Variants in SNX8 observed in about 807,000 individuals in gnomAD.
SNX8 encodes sorting nexin-8.
A neutral mutation model predicts 51.6 loss-of-function variants in SNX8; 25 were observed. That is an observed-to-expected ratio of 0.48 (90% CI 0.35 to 0.68). The LOEUF (loss-of-function observed/expected upper bound fraction) is 0.68, where lower values mean the gene tolerates loss of function less well. SNX8 is among the 30% of genes least tolerant of loss of function. The pLI, the probability that SNX8 is intolerant of heterozygous loss-of-function variation, is 0.00. For synonymous variants in SNX8, 324 were observed against 277.0 expected (o/e 1.17, Z -1.68); for missense variants, 695 against 624.0 (o/e 1.11, Z -1.21).
intron 7 of SNX8, among the ~76,000 whole-genome samples, chr7:2,259,419 T>TGA (rs1795282829): frequency 6.6e-6 from 1 of 151,754 alleles, no homozygotes; most frequent in Non-Finnish European, 1.5e-5. Context: ...TGGTAGGGGG[T>TGA]GAAAAGCTCA....
intron 5 of SNX8, among the ~76,000 whole-genome samples, chr7:2,268,352 CCTGT>C (rs1410942417): frequency 1.6e-4 from 23 of 144,904 alleles, no homozygotes; most frequent in South Asian, 2.3e-4. Flanking sequence ...CGGCAGCTGC[CCTGT>C]CTGAGAAGTG....
Position 2,346,139 on chromosome 7 carries a change from A to G in SNX8, c.-66+8083T>C, listed in dbSNP as rs528266756. Among the ~76,000 whole-genome samples the G allele has an allele frequency of 5.3e-5, 8 of 152,240 alleles. No homozygotes were observed. In the South Asian group the frequency reaches 1.7e-3, roughly 32 times the overall value. ...TATAATAGCATATGGGTCTACTATA[A>G]ATCAATAAAAATACCAAACAATGAA... On this transcript the variant is annotated intron_variant, in intron 1 of 5. Transcript: ENST00000435336.
intron 8 of SNX8, 42 bp from the exon 9 acceptor site, chr7:2,257,556 T>C: frequency 6.3e-7 from 1 of 1,597,252 alleles, no homozygotes; most frequent in Non-Finnish European, 8.5e-7. Flanking sequence ...TCTGGATGCC[T>C]GCGCCAGGGC....
At chr7:2,345,690 A>AG (rs951533086) in intron 1 of SNX8, among the ~76,000 whole-genome samples, 1 of 151,918 alleles carries the variant, frequency 6.6e-6, no homozygotes, top group Non-Finnish European at 1.5e-5. Context: ...CAAAAAAAAA[A>AG]AAGAAGAAGA....
At chr7:2,269,973 C>T (rs1345866306) in intron 4 of SNX8, among the ~76,000 whole-genome samples, 1 of 152,126 alleles carries the variant, frequency 6.6e-6, no homozygotes, top group African/African-American at 2.4e-5. Context: ...AACGGCCCCT[C>T]CATCCACAGA....
intron 1 of SNX8, among the ~76,000 whole-genome samples, chr7:2,290,441 T>C (rs1297459211): frequency 6.6e-6 from 1 of 151,046 alleles, no homozygotes; most frequent in Non-Finnish European, 1.5e-5. Flanking sequence ...GAGGTAGAAG[T>C]TGCAGTGAGC....
At chr7:2,255,489 T>C (rs890999171) in intron 10 of SNX8, among the ~76,000 whole-genome samples, 1 of 152,240 alleles carries the variant, frequency 6.6e-6, no homozygotes, top group East Asian at 1.9e-4. Context: ...ATGCTCTAGC[T>C]GCCGTGCGGG....
chr7:2,255,269 G>A (rs544144767), intron 10 of SNX8, 100 bp from the exon 11 acceptor site: 2 of 745,282 alleles, frequency 2.7e-6, no homozygotes, highest in South Asian at 3.7e-5. Context: ...AGGGAGGGAG[G>A]GGCCCTCAGG....
intron 1 of SNX8, among the ~76,000 whole-genome samples, chr7:2,308,665 CAAA>C (rs756364188): frequency 2.4e-4 from 15 of 63,104 alleles, no homozygotes; most frequent in South Asian, 2.2e-3. Flanking sequence ...GACTCTGTCT[CAAA>C]AAAAAAAAAA....
intron 3 of SNX8, 83 bp from the exon 4 acceptor site, chr7:2,272,054 C>T (rs1199568085): frequency 6.4e-7 from 1 of 1,573,422 alleles, no homozygotes; most frequent in Non-Finnish European, 8.7e-7. Flanking sequence ...CAAAACTCTC[C>T]CTAGAGGTGG....
At chr7:2,294,249 G>A (rs1796221509) in intron 1 of SNX8, among the ~76,000 whole-genome samples, 4 of 151,326 alleles carry the variant, frequency 2.6e-5, no homozygotes, top group Admixed American at 2.0e-4. Flanking sequence ...GGCGACAAGT[G>A]CAAGACTCCA....
rs1583133241 is a variant in SNX8, at chr7:2,351,882, G to A, written c.-66+2340C>T. 2.7e-5 allele frequency among the ~76,000 whole-genome samples: 4 copies of A among 145,936 alleles called. 1 individual carries two copies. In the South Asian group the frequency reaches 6.4e-4, roughly 23 times the overall value. On this transcript the variant is annotated intron_variant, in intron 1 of 5. Coordinates refer to the SNX8 transcript ENST00000435336. ...GATAATAATAAAAACAAAAAATCGA[G>A]TAAGTTTTTGTTGTTGTTGTTGGTT...
chr7:2,344,226 A>T (rs1778982218), intron 1 of SNX8, among the ~76,000 whole-genome samples: 1 of 151,334 alleles, frequency 6.6e-6, no homozygotes, highest in Non-Finnish European at 1.5e-5. Context: ...ATAAAAAGAA[A>T]ATCCTAGTAC....
intron 1 of SNX8, among the ~76,000 whole-genome samples, chr7:2,338,527 C>T (rs1453637029): frequency 6.7e-6 from 1 of 150,244 alleles, no homozygotes; most frequent in East Asian, 2.0e-4. Context: ...CCCAGCTGTG[C>T]GGAGACTGAG....
chr7:2,302,479 T>A (rs1343940417), intron 1 of SNX8, among the ~76,000 whole-genome samples: 1 of 152,214 alleles, frequency 6.6e-6, no homozygotes, highest in Non-Finnish European at 1.5e-5. Context: ...CCGCCTGCCT[T>A]GGCCTCCCAA....
chr7:2,282,720 A>T (rs1471394256), intron 1 of SNX8, among the ~76,000 whole-genome samples: 2 of 152,062 alleles, frequency 1.3e-5, no homozygotes, highest in African/African-American at 4.8e-5. Flanking sequence ...CTCACGCCTG[A>T]ATTCCCAGCA....
chr7:2,347,257 G>A lies in SNX8; in HGVS notation c.-66+6965C>T, dbSNP rs371811712. Among the ~76,000 whole-genome samples, 9 of 152,098 alleles carry A rather than the reference G, an allele frequency of 5.9e-5. No individual in the cohort carries two copies. The East Asian group carries it at 9.7e-4, about 16-fold the overall frequency. On this transcript the variant is annotated intron_variant, in intron 1 of 5. Transcript: ENST00000435336. Reference sequence around the variant, plus strand: ...AGCACTTTGGGAGGCCGAGGCTGACGGATCACCTGAGGTCAGGAGTTTGAG... The same window carrying A: ...AGCACTTTGGGAGGCCGAGGCTGACAGATCACCTGAGGTCAGGAGTTTGAG...
chr7:2,276,364 T>G (rs1226591220), intron 2 of SNX8, among the ~76,000 whole-genome samples: 1 of 152,232 alleles, frequency 6.6e-6, no homozygotes, highest in African/African-American at 2.4e-5. Context: ...AAGGCGGCTC[T>G]GACACGGTCC....
intron 1 of SNX8, among the ~76,000 whole-genome samples, chr7:2,326,871 C>G (rs1227590334): frequency 6.6e-6 from 1 of 151,864 alleles, no homozygotes; most frequent in Non-Finnish European, 1.5e-5. Context: ...TTTGGGAGGC[C>G]GAGGCAGGCA....
Sources: gnomAD v4.1 joint callset for allele counts (sites outside exome capture counted in the v4.1 genomes callset) on GRCh38, gnomAD v4.1.1 for gene constraint, MANE v1.5 for transcripts, NCBI Gene and HGNC (gene_info 2026-07-23, HGNC 2026-07-21) for gene names.